The following FLG2 variants were observed in gnomAD, a reference collection of about 807,000 sequenced individuals.
FLG2 encodes filaggrin-2.
FLG2 carries 7 observed loss-of-function variants against 3.9 expected under a neutral mutation model. That is an observed-to-expected ratio of 1.79 (90% CI 1.02 to 3.36). The LOEUF (loss-of-function observed/expected upper bound fraction) is 3.36. Ranked by LOEUF, FLG2 falls within the 30% of genes most tolerant of loss-of-function variation. The pLI is 0.00. For missense variants in FLG2, 2,700 were observed against 2,809.4 expected, an observed-to-expected ratio of 0.96 and a Z score of 0.88; for synonymous variants, 1,031 against 1,056.1, an observed-to-expected ratio of 0.98 and a Z score of 0.46.
chr1:152,351,545 T>A lies in FLG2; in HGVS notation c.6241A>T (p.Arg2081Ter), dbSNP rs149822666. ...TGTCCATGACCAGAGTGAGCATGTC[T>A]AGTGGTATCTCCTGTCTGTCCATGA... is the stretch of plus-strand genomic sequence containing the variant. ...TTHGQTGDTT[R>*]HAHSGHGQST... The change falls in exon 3 of 3, where the codon AGA (arginine) becomes TGA (stop). Residue 2081 changes from arginine (R) to a stop codon, truncating the protein, a stop_gained. Coordinates refer to ENST00000388718, the MANE Select transcript of FLG2 (RefSeq NM_001014342.3). LOFTEE classifies it low-confidence loss of function (END_TRUNC). The A allele has an allele frequency of 1.9e-6, 3 of 1,611,938 alleles. No individual in the cohort carries two copies. Among genetic ancestry groups the A allele is most frequent in the African/African-American group, 1.3e-5 (1 of 74,160 alleles).
Position 152,358,851 on chromosome 1 carries a change from T to C in FLG2, c.34A>G (p.Ile12Val), listed in dbSNP as rs745955938. 1.2e-6 allele frequency: 2 copies of C among 1,613,874 alleles called. No individual in the cohort carries two copies. The highest frequency in any genetic ancestry group is 1.7e-6 in the Non-Finnish European group (2 of 1,179,942). The change falls in exon 2 of 3, where the codon ATT (isoleucine) becomes GTT (valine). Residue 12 changes from isoleucine (I) to valine (V), a missense_variant. Coordinates refer to ENST00000388718, the MANE Select transcript of FLG2 (RefSeq NM_001014342.3). Reference sequence around the variant, plus strand: ...TTGGTGTATTTGTAGAAAACATCAATTACGGTGACAACACTTCTCAAGAGG... The same window carrying C: ...TTGGTGTATTTGTAGAAAACATCAACTACGGTGACAACACTTCTCAAGAGG... ...TDLLRSVVTV[I>V]DVFYKYTKQD...
chr1:152,352,914 T>C lies in FLG2; in HGVS notation c.4872A>G (p.Ile1624Met). ...AGTGGGAATGTCCAGTGGTATCTCCTATCTGTCCATGAGTAGTTCCGTGTC... is the reference window on the plus strand; with the variant it reads ...AGTGGGAATGTCCAGTGGTATCTCCCATCTGTCCATGAGTAGTTCCGTGTC... Reference protein sequence around the residue: ...HERHGTTHGQIGDTTGHSHSG... With the variant: ...HERHGTTHGQMGDTTGHSHSG... Residue 1624 changes from isoleucine (I) to methionine (M), a missense_variant, in exon 3 of 3, where the codon ATA (isoleucine) becomes ATG (methionine). By Grantham distance (10) the Ile-to-Met change is conservative (BLOSUM62 1). Transcript: ENST00000388718. The C allele has an allele frequency of 1.9e-6, 3 of 1,613,920 alleles. No homozygotes were observed. The highest frequency in any genetic ancestry group is 1.1e-5 in the South Asian group (1 of 91,056).
Position 152,352,564 on chromosome 1 carries a change from G to A in FLG2, c.5222C>T (p.Ser1741Leu). 1 of 1,613,636 alleles carries A rather than the reference G, an allele frequency of 6.2e-7. No individual in the cohort carries two copies. Among genetic ancestry groups the A allele is most frequent in the Non-Finnish European group, 8.5e-7 (1 of 1,179,886 alleles). Residue 1741 changes from serine to leucine, a missense_variant, in exon 3 of 3, where the codon TCA becomes TTA. Physicochemically the swap from Ser to Leu is moderately radical, Grantham distance 145 (BLOSUM62 -2). Transcript: ENST00000388718. ...ATGAGTGTGTCCTGAATGTGTATGT[G>A]AGACTCCTGAGTACCCTTCACTGTC... is the stretch of plus-strand genomic sequence containing the variant. ...YSDSEGYSGV[S>L]HTHSGHTHGQ...
In FLG2 at chr1:152,358,826, T is replaced by C; in HGVS notation, c.59A>G (p.Lys20Arg). 1 of 1,614,112 alleles carries C rather than the reference T, an allele frequency of 6.2e-7. No individual in the cohort carries two copies. Among genetic ancestry groups the C allele is most frequent in the Non-Finnish European group, 8.5e-7 (1 of 1,179,964 alleles). ...TVIDVFYKYT[K>R]QDGECGTLSK... is the part of the protein sequence containing the mutation. ...CAGTGTGCCACACTCCCCATCTTGC[T>C]TGGTGTATTTGTAGAAAACATCAAT... is the stretch of plus-strand genomic sequence containing the variant. Residue 20 changes from lysine (K) to arginine (R), a missense_variant, in exon 2 of 3, where the codon AAG becomes AGG. Lys to Arg is a conservative substitution (Grantham distance 26). Transcript: ENST00000388718.
chr1:152,354,799 T>A lies in FLG2; in HGVS notation c.2987A>T (p.Gln996Leu). 1 of 1,613,534 alleles carries A rather than the reference T, an allele frequency of 6.2e-7. No individual in the cohort carries two copies. Among genetic ancestry groups the A allele is most frequent in the Non-Finnish European group, 8.5e-7 (1 of 1,179,900 alleles). The change falls in exon 3 of 3, where the codon CAG (glutamine) becomes CTG (leucine). Residue 996 changes from glutamine (Q) to leucine (L), a missense_variant. Transcript: ENST00000388718. The part of the protein sequence containing the change: ...GFGQHESRSS[Q>L]SNYGQHGSGS... ...AGAACCATGTTGGCCATAATTAGACTGACTTGATCTAGACTCATGCTGTCC... is the reference window on the plus strand; with the variant it reads ...AGAACCATGTTGGCCATAATTAGACAGACTTGATCTAGACTCATGCTGTCC...
Position 152,355,262 on chromosome 1 carries a change from G to A in FLG2, c.2524C>T (p.Gln842Ter), listed in dbSNP as rs755667655. ...GAACCATGTTGGCCATAGCTGGACT[G>A]ATGTGATCTAGACTCATGCTGTCCA... is the stretch of plus-strand genomic sequence containing the variant. ...GFGQHESRSH[Q>*]SSYGQHGSGS... The change falls in exon 3 of 3, where the codon CAG (glutamine) becomes TAG (stop). Residue 842 changes from glutamine (Q) to a stop codon, truncating the protein, a stop_gained. Transcript: ENST00000388718. LOFTEE classifies it low-confidence loss of function (END_TRUNC). 1 of 1,613,048 alleles carries A rather than the reference G, an allele frequency of 6.2e-7. No individual in the cohort carries two copies.
chr1:152,355,182 T>C lies in FLG2; in HGVS notation c.2604A>G (p.Thr868=). ...TTGACCTGTGTTGTCCAAAGCCAGA[T>C]GTCTGTCCCGAACTTGACCCATGTT... is the stretch of plus-strand genomic sequence containing the variant. ...YGQHGSSSGQ[T]SGFGQHRSSS... The change falls in exon 3 of 3, where the codon ACA becomes ACG. Residue 868 remains threonine, a synonymous_variant. Coordinates refer to ENST00000388718, the MANE Select transcript of FLG2 (RefSeq NM_001014342.3). The C allele has an allele frequency of 6.9e-7, 1 of 1,453,602 alleles. No individual in the cohort carries two copies. Among genetic ancestry groups the C allele is most frequent in the Non-Finnish European group, 9.1e-7 (1 of 1,100,370 alleles). The allele number at this position is 1,453,602 out of a possible 1,614,324, so 90.0% of individuals were successfully genotyped here. A position where few individuals can be genotyped will look rare whatever the true frequency, so the allele number is the denominator to read the frequency against.
Position 152,356,085 on chromosome 1 carries a change from A to C in FLG2, c.1701T>G (p.Phe567Leu). The change falls in exon 3 of 3, where the codon TTT (phenylalanine) becomes TTG (leucine). Residue 567 changes from phenylalanine to leucine, a missense_variant. Physicochemically the swap from Phe to Leu is conservative, Grantham distance 22 (BLOSUM62 0). Transcript: ENST00000388718. ...GQYGSRETSG[F>L]GQHGLGSGQS... ...GACCTGAGCCCAACCCATGTTGTCC[A>C]AAGCCAGATGTCTCTCTAGACCCAT... 1 of 1,613,992 alleles carries C rather than the reference A, an allele frequency of 6.2e-7. No homozygotes were observed. The highest frequency in any genetic ancestry group is 8.5e-7 in the Non-Finnish European group (1 of 1,180,022).
In FLG2 at chr1:152,358,922, C is replaced by CA; in HGVS notation, c.-22-17dup. ...TTAAGTGAACCTGGACACAGAAAAA[C>CA]AAAGAACCCTATTATTCATATTCTC... On this transcript the variant is annotated splice_polypyrimidine_tract_variant and intron_variant, in intron 1 of 2. Transcript: ENST00000388718. The CA allele has an allele frequency of 6.3e-7, 1 of 1,589,008 alleles. No homozygotes were observed. The highest frequency in any genetic ancestry group is 1.9e-5 in the Admixed American group (1 of 53,820).
Position 152,357,303 on chromosome 1 carries a change from C to T in FLG2, c.483G>A (p.Arg161=). 6.2e-7 allele frequency: 1 copy of T among 1,614,166 alleles called. No individual in the cohort carries two copies. The highest frequency in any genetic ancestry group is 1.1e-5 in the South Asian group (1 of 91,080). The change falls in exon 3 of 3, where the codon AGG becomes AGA. Residue 161 remains arginine (R), a synonymous_variant. Coordinates refer to ENST00000388718, the MANE Select transcript of FLG2 (RefSeq NM_001014342.3). ...TGGATAAATTACCTTGTCTTCCTAGCCTCCTGGAGTTGGACCCATGTCTAC... is the reference window on the plus strand; with the variant it reads ...TGGATAAATTACCTTGTCTTCCTAGTCTCCTGGAGTTGGACCCATGTCTAC... ...VKCRHGSNSR[R]LGRQGNLSSS... is the part of the protein sequence containing the mutation.
rs138753730 is a variant in FLG2 at position 152,354,239 on chromosome 1, C to T, written c.3547G>A (p.Val1183Met). Residue 1183 changes from valine to methionine, a missense_variant, in exon 3 of 3, where the codon GTG becomes ATG. By Grantham distance (21) the Val-to-Met change is conservative. Coordinates refer to ENST00000388718, the MANE Select transcript of FLG2 (RefSeq NM_001014342.3). The stretch of plus-strand genomic sequence containing the variant: ...CTAGAGAAATTGTCTGAGCCAGACA[C>T]ATGCTGTCCAAAACTTGTGGTTGGA... ...SGPTTSFGQH[V>M]SGSDNFSSSG... is the part of the protein sequence containing the mutation. 1.9e-6 allele frequency: 3 copies of T among 1,613,846 alleles called. No homozygotes were observed. The highest frequency in any genetic ancestry group is 1.7e-6 in the Non-Finnish European group (2 of 1,179,904).
At position 152,356,584 on chromosome 1, in the gene FLG2, C is replaced by T. The variant is rs1654244220; in HGVS notation, c.1202G>A (p.Cys401Tyr). Residue 401 changes from cysteine (C) to tyrosine (Y), a missense_variant, in exon 3 of 3, where the codon TGT (cysteine) becomes TAT (tyrosine). Physicochemically the swap from Cys to Tyr is radical, Grantham distance 194. Coordinates refer to ENST00000388718, the MANE Select transcript of FLG2 (RefSeq NM_001014342.3). ...CSNGQHEYGS[C>Y]GRFSNSSSSN... Reference sequence around the variant, plus strand: ...ACTAGAAGAGTTTGAAAAGCGGCCACAGGAACCATATTCATGTTGACCATT... The same window carrying T: ...ACTAGAAGAGTTTGAAAAGCGGCCATAGGAACCATATTCATGTTGACCATT... 1.2e-5 allele frequency: 20 copies of T among 1,614,090 alleles called. No homozygotes were observed. Among genetic ancestry groups the T allele is most frequent in the Admixed American group, 3.3e-5 (2 of 60,004 alleles).
Position 152,351,792 on chromosome 1 carries a change from A to T in FLG2, c.5994T>A (p.His1998Gln), listed in dbSNP as rs144916315. Residue 1998 changes from histidine (H) to glutamine (Q), a missense_variant, in exon 3 of 3, where the codon CAT becomes CAA. Physicochemically the swap from His to Gln is conservative, Grantham distance 24 (BLOSUM62 0). Transcript: ENST00000388718. ...GTCTAGTGGTATCTGCTGTTTGTCC[A>T]TGAGTAGTTCCGTGTCTCTCATGAA... ...SSVHERHGTT[H>Q]GQTADTTRHG... The T allele has an allele frequency of 1.9e-6, 3 of 1,611,496 alleles. No individual in the cohort carries two copies. The highest frequency in any genetic ancestry group is 2.5e-6 in the Non-Finnish European group (3 of 1,179,720).
rs960248577 is a variant in FLG2 at position 152,349,826 on chromosome 1, A to C, written c.*784T>G. Reference sequence around the variant, plus strand: ...GCCCACATCCTCACCGTATATTCTGATACCTCCTGACAGACTTGACTCTGA... The same window carrying C: ...GCCCACATCCTCACCGTATATTCTGCTACCTCCTGACAGACTTGACTCTGA... On this transcript the variant is annotated 3_prime_UTR_variant, in exon 3 of 3. Transcript: ENST00000388718. 1 of 152,906 alleles carries C rather than the reference A, an allele frequency of 6.5e-6. No individual in the cohort carries two copies. Among genetic ancestry groups the C allele is most frequent in the African/African-American group, 2.4e-5 (1 of 41,398 alleles). 9.5% of individuals were successfully genotyped at this position (152,906 alleles called of 1,614,324 possible). A position where few individuals can be genotyped will look rare whatever the true frequency, so the allele number is the denominator to read the frequency against.
Position 152,353,250 on chromosome 1 carries a change from CCCT to C in FLG2, c.4533_4535del (p.Gly1513del). On this transcript the variant is annotated inframe_deletion, in exon 3 of 3. Coordinates refer to ENST00000388718, the MANE Select transcript of FLG2 (RefSeq NM_001014342.3). ...TGTGTCCTGAATGTGTGTGCGAGCC[CCCT>C]GAGTGCACTTCACTGTCACTGGACT... 6.4e-7 allele frequency: 1 copy of C among 1,567,390 alleles called. No homozygotes were observed. Among genetic ancestry groups the C allele is most frequent in the South Asian group, 1.2e-5 (1 of 85,950 alleles).
Position 152,357,471 on chromosome 1 carries a change from A to G in FLG2, c.315T>C (p.Gly105=). The G allele has an allele frequency of 2.5e-6, 4 of 1,614,002 alleles. No homozygotes were observed. Among genetic ancestry groups the G allele is most frequent in the Non-Finnish European group, 3.4e-6 (4 of 1,180,008 alleles). Reference sequence around the variant, plus strand: ...CACTTTCTTCTTCTTGGTGTCGGTGACCACGCCTATGCTTCTTTGACCCTG... The same window carrying G: ...CACTTTCTTCTTCTTGGTGTCGGTGGCCACGCCTATGCTTCTTTGACCCTG... ...KASGSKKHRR[G]HRHQEEESET... is the part of the protein sequence containing the mutation. Residue 105 remains glycine (G), a synonymous_variant, in exon 3 of 3, where the codon GGT becomes GGC. Transcript: ENST00000388718.
Position 152,351,532 on chromosome 1 carries a change from G to A in FLG2, c.6254C>T (p.Ser2085Phe), listed in dbSNP as rs767927796. 5.6e-6 allele frequency: 9 copies of A among 1,611,440 alleles called. No homozygotes were observed. The South Asian group carries it at 7.7e-5, about 14-fold the overall frequency. The part of the protein sequence containing the change: ...QTGDTTRHAH[S>F]GHGQSTQRGS... ...TCTCTGTGTGGACTGTCCATGACCA[G>A]AGTGAGCATGTCTAGTGGTATCTCC... is the stretch of plus-strand genomic sequence containing the variant. The change falls in exon 3 of 3, where the codon TCT (serine) becomes TTT (phenylalanine). Residue 2085 changes from serine (S) to phenylalanine (F), a missense_variant. Physicochemically the swap from Ser to Phe is radical, Grantham distance 155 (BLOSUM62 -2). Coordinates refer to ENST00000388718, the MANE Select transcript of FLG2 (RefSeq NM_001014342.3).
rs1653897577 is a variant in FLG2, at chr1:152,351,141, A to T, written c.6645T>A (p.Gly2215=). Residue 2215 remains glycine, a synonymous_variant, in exon 3 of 3, where the codon GGT becomes GGA. Transcript: ENST00000388718. ...CATGAGTAGTTCCCTGTCTCCCATGACCTGAGGATCCTGACTGTCCATGTC... is the reference window on the plus strand; with the variant it reads ...CATGAGTAGTTCCCTGTCTCCCATGTCCTGAGGATCCTGACTGTCCATGTC... ...GSRHGQSGSS[G]HGRQGTTHGQ... is the part of the protein sequence containing the mutation. 1.2e-6 allele frequency: 2 copies of T among 1,613,294 alleles called. No individual in the cohort carries two copies. The highest frequency in any genetic ancestry group is 2.2e-5 in the South Asian group (2 of 91,050).
At position 152,354,675 on chromosome 1, in the gene FLG2, G is replaced by A. The variant is rs111661097; in HGVS notation, c.3111C>T (p.Gly1037=). The stretch of plus-strand genomic sequence containing the variant: ...CTGAGCCTGATCCATGTTGTCCAAA[G>A]CCTGAGTATTGGCCTGAGCTTGACC... ...QHRSSSGQYS[G]FGQHGSGSDQ... The change falls in exon 3 of 3, where the codon GGC becomes GGT. Residue 1037 remains glycine, a synonymous_variant. Transcript: ENST00000388718. 239 of 1,613,880 alleles carry A rather than the reference G, an allele frequency of 1.5e-4. 3 individuals carry two copies. The African/African-American group carries it at 2.2e-3, about 15-fold the overall frequency.
Sources: allele counts gnomAD v4.1 joint callset, GRCh38; gene constraint gnomAD v4.1.1; transcripts MANE v1.5; gene names NCBI Gene and HGNC (gene_info 2026-07-23, HGNC 2026-07-21).